PALS1: variants seen among roughly 807,000 people sequenced by gnomAD.
The protein encoded by PALS1 is protein PALS1.
PALS1 carries 31 observed loss-of-function variants against 78.9 expected under a neutral mutation model. That is an observed-to-expected ratio of 0.39 (90% CI 0.30 to 0.53). The LOEUF (loss-of-function observed/expected upper bound fraction) is 0.53, where lower values mean the gene tolerates loss of function less well. PALS1 is among the 20% of genes least tolerant of loss of function. The pLI is 0.67. For missense variants in PALS1, 704 were observed against 826.5 expected, an observed-to-expected ratio of 0.85 and a Z score of 1.82; for synonymous variants, 276 against 270.9, an observed-to-expected ratio of 1.02 and a Z score of -0.18.
At chr14:67,256,488 TA>T (rs2084147115) in intron 1 of PALS1, among the ~76,000 whole-genome samples, 1 of 152,236 alleles carries the variant, frequency 6.6e-6, no homozygotes, top group Non-Finnish European at 1.5e-5. Context: ...ATATCAAAAT[TA>T]TTACCATTTC....
rs1211960170 is a variant in PALS1 at position 67,334,391 on chromosome 14, G to GATTTT, written c.*1441_*1445dup. 1 of 152,598 alleles carries GATTTT rather than the reference G, an allele frequency of 6.6e-6. No homozygotes were observed. Among genetic ancestry groups the GATTTT allele is most frequent in the Non-Finnish European group, 1.5e-5 (1 of 68,022 alleles). 9.5% of individuals were successfully genotyped at this position (152,598 alleles called of 1,614,324 possible). ...AAACAACCTCAAATGTGAATGCCTT[G>GATTTT]ATTTTATTTTTATGGTGACTTTAGC... On this transcript the variant is annotated 3_prime_UTR_variant, in exon 15 of 15. Coordinates refer to ENST00000261681, the MANE Select transcript of PALS1 (RefSeq NM_022474.4).
chr14:67,254,889 A>G (rs28411190), intron 1 of PALS1, among the ~76,000 whole-genome samples: 23,502 of 152,170 alleles, frequency 0.15, 3,429 homozygotes, highest in East Asian at 0.42. Context: ...AGTGGCTCAC[A>G]CCTGTAATCC....
chr14:67,245,645 C>G (rs1400597584), intron 1 of PALS1, among the ~76,000 whole-genome samples: 2 of 152,040 alleles, frequency 1.3e-5, no homozygotes, highest in African/African-American at 4.8e-5. Context: ...AGCCGCTGCC[C>G]CAAAAGTTTT....
intron 1 of PALS1, among the ~76,000 whole-genome samples, chr14:67,251,814 C>G (rs1190547649): frequency 6.6e-6 from 1 of 152,110 alleles, no homozygotes; most frequent in Non-Finnish European, 1.5e-5. Context: ...CTTGGCAGGC[C>G]CCTATAATAG....
At chr14:67,274,608 C>G (rs975314868) in intron 2 of PALS1, among the ~76,000 whole-genome samples, 2 of 152,122 alleles carry the variant, frequency 1.3e-5, no homozygotes, top group Admixed American at 6.5e-5. Flanking sequence ...AATGCGGGCT[C>G]TTTTTTGGTT....
Position 67,335,180 on chromosome 14 carries a change from A to G in PALS1, c.*2224A>G, listed in dbSNP as rs1219489127. The G allele has an allele frequency of 1.3e-5, 2 of 152,234 alleles. No individual in the cohort carries two copies. The highest frequency in any genetic ancestry group is 1.5e-5 in the Non-Finnish European group (1 of 68,042). 9.4% of individuals were successfully genotyped at this position (152,234 alleles called of 1,614,324 possible). On this transcript the variant is annotated 3_prime_UTR_variant, in exon 15 of 15. Transcript: ENST00000261681. ...ATCATTCTCCCCTTCCTCATCAGCA[A>G]TGGTAGATAGAAATGTCCTAAACTT...
intron 4 of PALS1, 87 bp downstream of exon 4, chr14:67,292,806 A>G (rs967284082): frequency 5.8e-5 from 58 of 996,524 alleles, no homozygotes; most frequent in South Asian, 2.1e-4. Flanking sequence ...TAATGTGACT[A>G]TAAGATTTGT....
chr14:67,249,389 A>G (rs546892888), intron 1 of PALS1, among the ~76,000 whole-genome samples: 233 of 152,350 alleles, frequency 1.5e-3, no homozygotes, highest in Non-Finnish European at 2.5e-3. Flanking sequence ...TTTCTCACCT[A>G]TGACATGTAG....
At chr14:67,244,518 CTT>C (rs1825670622) in intron 1 of PALS1, among the ~76,000 whole-genome samples, 1 of 152,160 alleles carries the variant, frequency 6.6e-6, no homozygotes, top group Admixed American at 6.5e-5. Context: ...ATGAAGTTAA[CTT>C]TTCATTGTAC....
chr14:67,303,002 A>G (rs1005207929), intron 7 of PALS1, among the ~76,000 whole-genome samples: 1 of 152,222 alleles, frequency 6.6e-6, no homozygotes. Flanking sequence ...AGTGTCCGGC[A>G]TAATAATCAC....
At chr14:67,270,453 T>C (rs2084391201) in intron 2 of PALS1, 1 of 152,152 alleles carries the variant, frequency 6.6e-6, no homozygotes. Flanking sequence ...TTTAAACTTA[T>C]AATTGGCAAG....
intron 14 of PALS1, among the ~76,000 whole-genome samples, chr14:67,326,628 A>G (rs907287638): frequency 6.6e-6 from 1 of 151,948 alleles, no homozygotes; most frequent in African/African-American, 2.4e-5. Context: ...TGAAGTTAAT[A>G]CCCCTCCATT....
intron 3 of PALS1, among the ~76,000 whole-genome samples, chr14:67,281,047 T>C (rs1189062014): frequency 6.6e-6 from 1 of 151,764 alleles, no homozygotes; most frequent in Non-Finnish European, 1.5e-5. Context: ...TACAGGCATG[T>C]GCCACCACAC....
At position 67,334,297 on chromosome 14, in the gene PALS1, A is replaced by C. The variant is rs2085495735; in HGVS notation, c.*1341A>C. 6.6e-6 allele frequency: 1 copy of C among 152,632 alleles called. No individual in the cohort carries two copies. The highest frequency in any genetic ancestry group is 2.4e-5 in the African/African-American group (1 of 41,462). The allele number at this position is 152,632 out of a possible 1,614,324, so 9.5% of individuals were successfully genotyped here. A position where few individuals can be genotyped will look rare whatever the true frequency, so the allele number is the denominator to read the frequency against. On this transcript the variant is annotated 3_prime_UTR_variant, in exon 15 of 15. Coordinates refer to ENST00000261681, the MANE Select transcript of PALS1 (RefSeq NM_022474.4). ...TCTATAGCTGTAGCTTTAAAATTCA[A>C]CGTATATAATTGGCATGGAAACTTA... is the stretch of plus-strand genomic sequence containing the variant.
intron 1 of PALS1, among the ~76,000 whole-genome samples, chr14:67,244,733 G>A (rs1051442625): frequency 6.6e-6 from 1 of 152,088 alleles, no homozygotes; most frequent in African/African-American, 2.4e-5. Flanking sequence ...GGTAGGTATA[G>A]CCTAATTTTA....
chr14:67,290,252 C>T (rs535624896), intron 3 of PALS1, among the ~76,000 whole-genome samples: 1 of 151,984 alleles, frequency 6.6e-6, no homozygotes, highest in South Asian at 2.1e-4. Context: ...TTACAATAGT[C>T]GAGAAACTTT....
chr14:67,265,087 G>C (rs1015889087), intron 1 of PALS1, among the ~76,000 whole-genome samples: 10 of 151,960 alleles, frequency 6.6e-5, no homozygotes, highest in Non-Finnish European at 4.4e-5. Context: ...ATTTTGTCTG[G>C]TATAGTATAT....
intron 3 of PALS1, among the ~76,000 whole-genome samples, chr14:67,292,273 T>C (rs1365222524): frequency 6.6e-6 from 1 of 152,190 alleles, no homozygotes; most frequent in Non-Finnish European, 1.5e-5. Context: ...ATATTGAATG[T>C]GTATTAGTTT....
intron 1 of PALS1, among the ~76,000 whole-genome samples, chr14:67,259,322 A>G (rs1372386563): frequency 6.6e-6 from 1 of 151,834 alleles, no homozygotes; most frequent in Non-Finnish European, 1.5e-5. Context: ...TTAAGTGAGT[A>G]AGGCCAGGCT....
Sources: gnomAD v4.1 joint callset for allele counts (sites outside exome capture counted in the v4.1 genomes callset) on GRCh38, gnomAD v4.1.1 for gene constraint, MANE v1.5 for transcripts, NCBI Gene and HGNC (gene_info 2026-07-23, HGNC 2026-07-21) for gene names.